The following COL23A1 variants were observed in gnomAD, a reference collection of about 807,000 sequenced individuals.
COL23A1 encodes collagen alpha-1(XXIII) chain.
A neutral mutation model predicts 99.3 loss-of-function variants in COL23A1; 97 were observed. The observed-to-expected ratio is 0.98, with a 90% CI of 0.83 to 1.16. The LOEUF (loss-of-function observed/expected upper bound fraction) is 1.16, where lower values mean the gene tolerates loss of function less well. COL23A1 is among the 50% of genes most tolerant of loss of function. The probability of loss-of-function intolerance (pLI) is 0.00; values close to 1 mark genes in which losing one functional copy is unlikely to be tolerated. For missense variants in COL23A1, 762 were observed against 757.4 expected, an observed-to-expected ratio of 1.01 and a Z score of -0.07; for synonymous variants, 320 against 308.2, an observed-to-expected ratio of 1.04 and a Z score of -0.40.
chr5:178,300,097 G>A (rs1474913758), intron 3 of COL23A1, among the ~76,000 whole-genome samples: 5 of 151,298 alleles, frequency 3.3e-5, no homozygotes, highest in Admixed American at 3.3e-4. Context: ...ACGGAGTCTC[G>A]CTCTGTTGCC....
intron 2 of COL23A1, among the ~76,000 whole-genome samples, chr5:178,407,401 C>A (rs570821465): frequency 2.4e-4 from 36 of 152,304 alleles, no homozygotes; most frequent in African/African-American, 8.2e-4. Flanking sequence ...AGTCTCATAG[C>A]ACAATACACA....
chr5:178,533,270 A>G (rs1349023716), intron 2 of COL23A1, among the ~76,000 whole-genome samples: 1 of 152,214 alleles, frequency 6.6e-6, no homozygotes, highest in Non-Finnish European at 1.5e-5. Context: ...TACATTCACA[A>G]TGTTGTGCAA....
At chr5:178,358,078 G>C (rs1394682006) in intron 2 of COL23A1, among the ~76,000 whole-genome samples, 1 of 144,428 alleles carries the variant, frequency 6.9e-6, no homozygotes, top group Non-Finnish European at 1.5e-5. Flanking sequence ...GTGTGTATGT[G>C]TATGTACGTG....
intron 2 of COL23A1, among the ~76,000 whole-genome samples, chr5:178,426,135 G>A (rs1156640775): frequency 6.6e-6 from 1 of 152,192 alleles, no homozygotes; most frequent in African/African-American, 2.4e-5. Context: ...TTAGACATCA[G>A]GCATTTTGTA....
At chr5:178,247,713 C>A (rs1167199182) in intron 21 of COL23A1, 62 bp downstream of exon 21, 1 of 1,562,838 alleles carries the variant, frequency 6.4e-7, no homozygotes, top group Non-Finnish European at 8.8e-7. Context: ...TGGGACCTAG[C>A]CCCCACCCCG....
Position 178,590,126 on chromosome 5 carries a change from T to G in COL23A1, c.72A>C (p.Gly24=), listed in dbSNP as rs941820535. The G allele has an allele frequency of 8.1e-6, 10 of 1,239,914 alleles. No homozygotes were observed. The African/African-American group carries it at 1.4e-4, about 18-fold the overall frequency. The allele number at this position is 1,239,914 out of a possible 1,614,324, so 76.8% of individuals were successfully genotyped here. ...ACCCGGCCGTCGTCGCCGAGCGCCC[T>G]CCGCCGCCGCCGCCCGCCGCATTGC... ...GKGNAAGGGG[G]GRSATTAGSR... Residue 24 remains glycine (G), a synonymous_variant, in exon 1 of 29, where the codon GGA becomes GGC. Coordinates refer to ENST00000390654, the MANE Select transcript of COL23A1 (RefSeq NM_173465.4). The surrounding 1 kb of genome is among the most constrained non-coding windows in gnomAD (Gnocchi z 5.7).
In COL23A1 at chr5:178,358,693, A is replaced by ATG. The variant is rs879302088; in HGVS notation, c.362-51776_362-51775dup. ...CTAATGTGTATGTGTATGTGTGTGT[A>ATG]TGTATGTGTATGTGTGTATGTGTGT... is the stretch of plus-strand genomic sequence containing the variant. On this transcript the variant is annotated intron_variant, in intron 2 of 28. Transcript: ENST00000390654. Among the ~76,000 whole-genome samples the ATG allele has an allele frequency of 6.8e-5, 9 of 133,066 alleles. No individual in the cohort carries two copies. The South Asian group carries it at 2.0e-3, about 29-fold the overall frequency. The allele number at this position is 133,066 out of a possible 152,430, so 87.3% of individuals were successfully genotyped here.
chr5:178,283,291 C>T (rs1019663624), intron 5 of COL23A1, among the ~76,000 whole-genome samples: 1 of 152,118 alleles, frequency 6.6e-6, no homozygotes, highest in Non-Finnish European at 1.5e-5. Context: ...GGCTTCACTT[C>T]CTATCGTTTC....
rs533894673 is a variant in COL23A1 at position 178,384,084 on chromosome 5, C to T, written c.362-77165G>A. On this transcript the variant is annotated intron_variant, in intron 2 of 28. Coordinates refer to ENST00000390654, the MANE Select transcript of COL23A1 (RefSeq NM_173465.4). The surrounding 1 kb of genome is among the most constrained non-coding windows in gnomAD (Gnocchi z 5.5). ...ATCTCCTGCCACGGCCAGGCAGGTC[C>T]CACCTCTCTGCAAAGACCCCTCTTC... is the stretch of plus-strand genomic sequence containing the variant. Among the ~76,000 whole-genome samples, 107 of 152,314 alleles carry T rather than the reference C, an allele frequency of 7.0e-4. No individual in the cohort carries two copies. Among genetic ancestry groups the T allele is most frequent in the African/African-American group, 2.5e-3 (103 of 41,578 alleles).
intron 2 of COL23A1, among the ~76,000 whole-genome samples, chr5:178,364,823 C>T (rs772574324): frequency 3.3e-5 from 5 of 152,182 alleles, no homozygotes; most frequent in Admixed American, 1.3e-4. Context: ...GGGGCTCCCC[C>T]TCACCTATGG....
intron 2 of COL23A1, among the ~76,000 whole-genome samples, chr5:178,420,174 G>C (rs73336637): frequency 0.021 from 3,197 of 152,238 alleles, 110 homozygotes; most frequent in African/African-American, 0.072. Context: ...TCACTTATCA[G>C]CCACACGGCT....
In COL23A1 at chr5:178,361,177, C is replaced by T. The variant is rs568359678; in HGVS notation, c.362-54258G>A. 5.9e-5 allele frequency among the ~76,000 whole-genome samples: 9 copies of T among 152,270 alleles called. No individual in the cohort carries two copies. In the South Asian group the frequency reaches 1.9e-3, roughly 32 times the overall value. Reference sequence around the variant, plus strand: ...AAATAAAATATATTTTAAAATGAAACCTAAATTACTACCACAAAAGGAAAA... The same window carrying T: ...AAATAAAATATATTTTAAAATGAAATCTAAATTACTACCACAAAAGGAAAA... On this transcript the variant is annotated intron_variant, in intron 2 of 28. Transcript: ENST00000390654.
intron 2 of COL23A1, among the ~76,000 whole-genome samples, chr5:178,343,789 A>C (rs1321254981): frequency 1.3e-5 from 2 of 151,640 alleles, no homozygotes; most frequent in African/African-American, 4.9e-5. Context: ...CAGCCTCCTG[A>C]GTAGCTGGGA....
At chr5:178,267,388 T>C (rs1755963909) in intron 7 of COL23A1, 55 bp from the exon 8 acceptor site, 3 of 1,587,314 alleles carry the variant, frequency 1.9e-6, no homozygotes, top group Middle Eastern at 1.7e-4. Flanking sequence ...TTTCTTCACA[T>C]TTCCCGTCGG....
At chr5:178,332,467 C>T (rs910316783) in intron 2 of COL23A1, among the ~76,000 whole-genome samples, 7 of 152,238 alleles carry the variant, frequency 4.6e-5, no homozygotes, top group Admixed American at 1.3e-4. Context: ...GGTCTCTGGA[C>T]CCCTGAATAA....
chr5:178,577,206 G>A (rs903722212), intron 1 of COL23A1, among the ~76,000 whole-genome samples: 6 of 152,184 alleles, frequency 3.9e-5, no homozygotes, highest in African/African-American at 1.2e-4. Flanking sequence ...GGCGCGGCGC[G>A]CCGTTCATTC....
chr5:178,280,638 C>T lies in COL23A1; in HGVS notation c.441+7686G>A, dbSNP rs910761340. ...GAACATGTTCTTCCATGTGATGGGG[C>T]GAGGATGCTGTGGGGCTGGTCTGTT... On this transcript the variant is annotated intron_variant, in intron 5 of 28. Transcript: ENST00000390654. This position sits in a 1 kb window ranked among gnomAD's most constrained non-coding sequence, Gnocchi z 4.9. Among the ~76,000 whole-genome samples the T allele has an allele frequency of 1.3e-5, 2 of 152,062 alleles. No homozygotes were observed. Among genetic ancestry groups the T allele is most frequent in the Non-Finnish European group, 2.9e-5 (2 of 68,012 alleles).
At chr5:178,358,200 T>C (rs1382228619) in intron 2 of COL23A1, among the ~76,000 whole-genome samples, 2 of 146,680 alleles carry the variant, frequency 1.4e-5, no homozygotes, top group African/African-American at 5.1e-5. Flanking sequence ...TGTGTGTGCA[T>C]GTGTACGTGT....
chr5:178,552,958 T>C (rs908742468), intron 2 of COL23A1, among the ~76,000 whole-genome samples: 1 of 152,076 alleles, frequency 6.6e-6, no homozygotes, highest in African/African-American at 2.4e-5. Flanking sequence ...TCCCCCCGCC[T>C]TGGCCTCCCA....
Sources: gnomAD v4.1 joint callset for allele counts (sites outside exome capture counted in the v4.1 genomes callset) on GRCh38, gnomAD v4.1.1 for gene constraint, Gnocchi (gnomAD v3.1) non-coding constraint, MANE v1.5 for transcripts, NCBI Gene and HGNC (gene_info 2026-07-23, HGNC 2026-07-21) for gene names.